NPAS3: variants seen among roughly 807,000 people sequenced by gnomAD.
NPAS3 encodes the protein neuronal PAS domain-containing protein 3.
In NPAS3, 14 loss-of-function variants were observed where a neutral mutation model predicts 73.1. The observed-to-expected ratio is 0.19, with a 90% CI of 0.13 to 0.30. NPAS3 has a LOEUF of 0.30. Ranked by LOEUF, NPAS3 falls within the 10% of genes least tolerant of loss-of-function variation. The probability of loss-of-function intolerance (pLI) is 1.00; values close to 1 mark genes in which losing one functional copy is unlikely to be tolerated. For synonymous variants in NPAS3, 620 were observed against 541.5 expected, an observed-to-expected ratio of 1.14 and a Z score of -2.01; for missense variants, 1,096 against 1,250.0, an observed-to-expected ratio of 0.88 and a Z score of 1.86.
chr14:32,982,222 C>G (rs527953401), intron 1 of NPAS3, among the ~76,000 whole-genome samples: 13 of 152,178 alleles, frequency 8.5e-5, no homozygotes, highest in Non-Finnish European at 1.6e-4. Flanking sequence ...AAGAAGAGAT[C>G]AAACTTGCAG....
intron 1 of NPAS3, among the ~76,000 whole-genome samples, chr14:32,992,208 AC>A (rs1166760840): frequency 1.3e-5 from 2 of 152,122 alleles, no homozygotes; most frequent in Non-Finnish European, 2.9e-5. Flanking sequence ...AGGGAAGGGC[AC>A]ATCCCACATT....
intron 3 of NPAS3, among the ~76,000 whole-genome samples, chr14:33,319,860 C>G (rs148069647): frequency 1.3e-5 from 2 of 152,236 alleles, no homozygotes; most frequent in East Asian, 3.9e-4. Context: ...ACATTATGAA[C>G]TTTTTGTGAA....
chr14:33,491,767 T>C (rs2051911209), intron 4 of NPAS3, among the ~76,000 whole-genome samples: 1 of 152,200 alleles, frequency 6.6e-6, no homozygotes, highest in Non-Finnish European at 1.5e-5. Flanking sequence ...TGGGAGTAAA[T>C]GGCTAAGCGT....
intron 5 of NPAS3, among the ~76,000 whole-genome samples, chr14:33,663,868 G>A (rs1417060406): frequency 6.6e-6 from 1 of 151,970 alleles, no homozygotes; most frequent in Non-Finnish European, 1.5e-5. Flanking sequence ...TTGTATTTCT[G>A]TGGGATCAGT....
chr14:33,078,824 T>A (rs1313896664), intron 2 of NPAS3, among the ~76,000 whole-genome samples: 1 of 152,240 alleles, frequency 6.6e-6, no homozygotes, highest in Non-Finnish European at 1.5e-5. Flanking sequence ...GACACAGGTG[T>A]GCAGTTTCAC....
At chr14:33,664,478 A>G (rs1043722508) in intron 5 of NPAS3, among the ~76,000 whole-genome samples, 2 of 152,240 alleles carry the variant, frequency 1.3e-5, no homozygotes, top group Non-Finnish European at 2.9e-5. Flanking sequence ...TCATGACTAA[A>G]ACACCAAAAG....
chr14:33,047,263 C>T (rs776521025), intron 1 of NPAS3, among the ~76,000 whole-genome samples: 3 of 152,102 alleles, frequency 2.0e-5, no homozygotes, highest in African/African-American at 7.2e-5. Context: ...AATATTTCTT[C>T]AAGCATATGC....
chr14:33,137,249 G>A (rs559515368), intron 2 of NPAS3, among the ~76,000 whole-genome samples: 2 of 152,244 alleles, frequency 1.3e-5, no homozygotes, highest in South Asian at 2.1e-4. Context: ...GACTAAGGGT[G>A]AGTAGTTGGA....
At chr14:33,355,354 G>A (rs1390907487) in intron 3 of NPAS3, among the ~76,000 whole-genome samples, 2 of 152,142 alleles carry the variant, frequency 1.3e-5, no homozygotes, top group Non-Finnish European at 2.9e-5. Context: ...AGGCTGGAGT[G>A]CAGTGGCGAG....
intron 1 of NPAS3, among the ~76,000 whole-genome samples, chr14:33,007,315 T>A (rs1001766): frequency 0.59 from 89,286 of 151,998 alleles, 27,583 homozygotes; most frequent in Non-Finnish European, 0.7. Flanking sequence ...TAATTCTGTA[T>A]TTTTGTTCCA....
intron 3 of NPAS3, among the ~76,000 whole-genome samples, chr14:33,346,812 G>A (rs1435318474): frequency 6.6e-6 from 1 of 152,134 alleles, no homozygotes; most frequent in Non-Finnish European, 1.5e-5. Context: ...CCTGAGGCAG[G>A]AGGAAATATC....
intron 9 of NPAS3, among the ~76,000 whole-genome samples, chr14:33,784,755 T>TTA (rs60201355): frequency 1.6e-5 from 2 of 125,084 alleles, no homozygotes; most frequent in African/African-American, 6.3e-5. Context: ...ATTTTTTTTT[T>TTA]TTTTTTTTTT....
At chr14:33,192,428 T>G (rs1243881966) in intron 2 of NPAS3, among the ~76,000 whole-genome samples, 2 of 152,086 alleles carry the variant, frequency 1.3e-5, no homozygotes, top group Non-Finnish European at 2.9e-5. Context: ...AGCCTTGAGG[T>G]GTGGTATGAG....
intron 4 of NPAS3, among the ~76,000 whole-genome samples, chr14:33,451,868 A>G (rs990392715): frequency 2.0e-5 from 3 of 152,214 alleles, no homozygotes; most frequent in Non-Finnish European, 4.4e-5. Flanking sequence ...TTCCTTTCCT[A>G]TAAAAAGACT....
intron 3 of NPAS3, among the ~76,000 whole-genome samples, chr14:33,312,729 G>A (rs1021057343): frequency 6.6e-6 from 1 of 151,996 alleles, no homozygotes; most frequent in Admixed American, 6.6e-5. Context: ...TTGAATGTAC[G>A]TGGTATAATT....
intron 5 of NPAS3, among the ~76,000 whole-genome samples, chr14:33,620,157 T>C (rs1424555783): frequency 6.6e-6 from 1 of 152,222 alleles, no homozygotes; most frequent in African/African-American, 2.4e-5. Context: ...AGATATTTTG[T>C]TGAAAGTTTA....
chr14:32,964,615 A>C (rs765635546), intron 1 of NPAS3, among the ~76,000 whole-genome samples: 1 of 152,256 alleles, frequency 6.6e-6, no homozygotes, highest in Non-Finnish European at 1.5e-5. Flanking sequence ...GTAAATAGGC[A>C]GCCCATATAT....
intron 2 of NPAS3, among the ~76,000 whole-genome samples, chr14:33,114,071 T>C (rs1006990266): frequency 3.3e-5 from 5 of 152,166 alleles, no homozygotes; most frequent in African/African-American, 1.2e-4. Flanking sequence ...AGTCTTGCTC[T>C]ATTGGCCGGG....
intron 4 of NPAS3, among the ~76,000 whole-genome samples, chr14:33,370,219 T>G (rs1187029640): frequency 6.6e-6 from 1 of 152,032 alleles, no homozygotes; most frequent in African/African-American, 2.4e-5. Context: ...TTGCATGAAG[T>G]GAGAAATATC....
Sources: gnomAD v4.1 joint callset for allele counts (sites outside exome capture counted in the v4.1 genomes callset) on GRCh38, gnomAD v4.1.1 for gene constraint, MANE v1.5 for transcripts, NCBI Gene and HGNC (gene_info 2026-07-23, HGNC 2026-07-21) for gene names.